The following FRYL variants were observed in gnomAD, a reference collection of about 807,000 sequenced individuals.
The protein encoded by FRYL is FRY like transcription coactivator.
Under a neutral mutation model 351.2 loss-of-function variants are expected in FRYL, and 150 were observed. The observed-to-expected ratio is 0.43, with a 90% confidence interval of 0.37 to 0.49. The LOEUF (loss-of-function observed/expected upper bound fraction) is 0.49. Among genes scored for constraint, FRYL ranks in the 20% least tolerant of loss-of-function variants. FRYL has a pLI of 0.00. For missense variants in FRYL, 3,036 were observed against 3,619.3 expected, an observed-to-expected ratio of 0.84 and a Z score of 4.13; for synonymous variants, 1,153 against 1,257.1, an observed-to-expected ratio of 0.92 and a Z score of 1.75.
At chr4:48,712,822 C>T (rs1181532821) in intron 1 of FRYL, among the ~76,000 whole-genome samples, 2 of 152,094 alleles carry the variant, frequency 1.3e-5, no homozygotes, top group Non-Finnish European at 2.9e-5. Context: ...TTAAGGGCAG[C>T]CAGAGACAAA....
intron 29 of FRYL, among the ~76,000 whole-genome samples, 190 bp downstream of exon 29, chr4:48,565,341 T>C (rs1018753702): frequency 6.6e-6 from 1 of 152,202 alleles, no homozygotes; most frequent in Non-Finnish European, 1.5e-5. Flanking sequence ...GTGATCAAAT[T>C]TGAGTAGATT....
intron 19 of FRYL, among the ~76,000 whole-genome samples, chr4:48,585,227 T>A (rs1193137820): frequency 6.6e-6 from 1 of 152,234 alleles, no homozygotes; most frequent in African/African-American, 2.4e-5. Flanking sequence ...TGGCATGAAC[T>A]TTGTAACTCT....
At chr4:48,770,365 T>C (rs1180505551) in intron 1 of FRYL, among the ~76,000 whole-genome samples, 1 of 152,214 alleles carries the variant, frequency 6.6e-6, no homozygotes, top group East Asian at 1.9e-4. Context: ...ATGGAACTAA[T>C]ATATTTTAAA....
At chr4:48,658,068 T>G (rs1029396970) in intron 3 of FRYL, among the ~76,000 whole-genome samples, 14 of 152,136 alleles carry the variant, frequency 9.2e-5, no homozygotes, top group African/African-American at 3.4e-4. Flanking sequence ...CCAGGAAAAA[T>G]TCTTAGTAAA....
intron 1 of FRYL, among the ~76,000 whole-genome samples, chr4:48,725,235 C>A (rs1769952265): frequency 6.6e-6 from 1 of 152,218 alleles, no homozygotes; most frequent in Non-Finnish European, 1.5e-5. Flanking sequence ...AGCCTGCCTG[C>A]CAGTCTACTC....
At chr4:48,654,401 A>G (rs1205261378) in intron 3 of FRYL, among the ~76,000 whole-genome samples, 2 of 150,480 alleles carry the variant, frequency 1.3e-5, no homozygotes, top group Non-Finnish European at 1.5e-5. Context: ...AATTCTCTCC[A>G]CCTCTCTACA....
At chr4:48,501,561 A>C in intron 62 of FRYL, 62 bp downstream of exon 62, 1 of 886,096 alleles carries the variant, frequency 1.1e-6, no homozygotes, top group African/African-American at 1.7e-5. Context: ...AACAAGTAAT[A>C]GATTTTATTT....
chr4:48,746,899 G>A (rs1265940996), intron 1 of FRYL, among the ~76,000 whole-genome samples: 1 of 152,218 alleles, frequency 6.6e-6, no homozygotes. Context: ...TAGTCTGACT[G>A]TAGCTTTGCA....
At chr4:48,656,682 C>T (rs1304957966) in intron 3 of FRYL, among the ~76,000 whole-genome samples, 1 of 126,676 alleles carries the variant, frequency 7.9e-6, no homozygotes, top group Non-Finnish European at 1.6e-5. Flanking sequence ...GTATATATGA[C>T]TGATACATAT....
chr4:48,529,870 T>C (rs1727144080), intron 50 of FRYL, among the ~76,000 whole-genome samples: 1 of 152,190 alleles, frequency 6.6e-6, no homozygotes, highest in Non-Finnish European at 1.5e-5. Flanking sequence ...TTTTTATTAA[T>C]ATACAGCATA....
intron 3 of FRYL, among the ~76,000 whole-genome samples, chr4:48,677,677 C>G (rs1217277786): frequency 6.6e-6 from 1 of 152,114 alleles, no homozygotes; most frequent in African/African-American, 2.4e-5. Context: ...TCCCAAATTG[C>G]TGGGATTACA....
In FRYL at chr4:48,534,659, C is replaced by T. The variant is rs1728478855; in HGVS notation, c.6591G>A (p.Met2197Ile). The T allele has an allele frequency of 6.4e-7, 1 of 1,569,936 alleles. No individual in the cohort carries two copies. Among genetic ancestry groups the T allele is most frequent in the African/African-American group, 1.3e-5 (1 of 74,080 alleles). Residue 2197 changes from methionine (M) to isoleucine (I), a missense_variant, in exon 49 of 64, where the codon ATG becomes ATA. Transcript: ENST00000358350. ...AAATAATCTGTAGTAATGATTGCTGCATACTGGACAATCCTTTCTCTAACA... is the reference window on the plus strand; with the variant it reads ...AAATAATCTGTAGTAATGATTGCTGTATACTGGACAATCCTTTCTCTAACA... ...AELLEKGLSS[M>I]QQSLLQIIYS... is the part of the protein sequence containing the mutation.
intron 1 of FRYL, among the ~76,000 whole-genome samples, chr4:48,762,635 C>T (rs771239951): frequency 6.6e-6 from 1 of 152,054 alleles, no homozygotes; most frequent in African/African-American, 2.4e-5. Context: ...TGTGCTGGGC[C>T]CTGCTCTGAG....
chr4:48,596,085 C>A, intron 13 of FRYL, 85 bp from the exon 14 acceptor site: 1 of 884,824 alleles, frequency 1.1e-6, no homozygotes, highest in South Asian at 1.6e-5. Context: ...CAACTAAAAG[C>A]CAATCTTTTT....
Position 48,548,722 on chromosome 4 carries a change from T to C in FRYL, c.4856A>G (p.Tyr1619Cys), listed in dbSNP as rs747108759. Residue 1619 changes from tyrosine (Y) to cysteine (C), a missense_variant, in exon 40 of 64, where the codon TAC becomes TGC. This residue lies in a region of FRYL where 1,987 missense variants were observed against 2,311.7 expected (regional missense o/e 0.86). Transcript: ENST00000358350. ...DHSVKVEWGS[Y>C]LHLLLHAIFI... ...AATTGCATGAAGAAGAAGATGGAGG[T>C]AGCTTCCCCATTCCACCTTCACACT... The C allele has an allele frequency of 1.3e-6, 2 of 1,588,726 alleles. No homozygotes were observed. The highest frequency in any genetic ancestry group is 1.3e-5 in the African/African-American group (1 of 74,424).
At chr4:48,631,966 T>C (rs893076953) in intron 4 of FRYL, among the ~76,000 whole-genome samples, 1 of 141,030 alleles carries the variant, frequency 7.1e-6, no homozygotes, top group South Asian at 2.3e-4. Context: ...GGTGGGAGGA[T>C]TGCCTGAACC....
At chr4:48,664,827 G>A (rs1010719834) in intron 3 of FRYL, among the ~76,000 whole-genome samples, 1 of 152,102 alleles carries the variant, frequency 6.6e-6, no homozygotes, top group African/African-American at 2.4e-5. Flanking sequence ...CAGTATCAAA[G>A]GTAAACAAAA....
intron 50 of FRYL, among the ~76,000 whole-genome samples, chr4:48,530,796 C>A (rs1207925331): frequency 6.6e-6 from 1 of 152,190 alleles, no homozygotes; most frequent in Non-Finnish European, 1.5e-5. Context: ...CAACACTCAG[C>A]TCAGATGTTG....
rs1191807797 is a variant in FRYL, at chr4:48,557,466, T to A, written c.4112A>T (p.Tyr1371Phe). ...ATAMVLNNLM[Y>F]MTAKYGDELA... is the part of the protein sequence containing the mutation. ...AACTCATTTTACCTTTGCTGTCATA[T>A]ACATCAGATTGTTCAAAACCATTGC... The change falls in exon 34 of 64, where the codon TAT becomes TTT. Residue 1371 changes from tyrosine to phenylalanine, a missense_variant. Tyr to Phe is a conservative substitution (Grantham distance 22). Transcript: ENST00000358350. 6.2e-7 allele frequency: 1 copy of A among 1,614,226 alleles called. No homozygotes were observed. Among genetic ancestry groups the A allele is most frequent in the Non-Finnish European group, 8.5e-7 (1 of 1,180,034 alleles).
Sources: allele counts gnomAD v4.1 joint callset (sites outside exome capture counted in the v4.1 genomes callset), GRCh38; gene constraint gnomAD v4.1.1; regional missense constraint gnomAD v4.1.1; transcripts MANE v1.5; gene names NCBI Gene and HGNC (gene_info 2026-07-23, HGNC 2026-07-21).